PPP2R3A: variants seen among roughly 807,000 people sequenced by gnomAD.
PPP2R3A encodes the protein serine/threonine-protein phosphatase 2A regulatory subunit B'' subunit alpha.
A neutral mutation model predicts 106.9 loss-of-function variants in PPP2R3A; 80 were observed. That is an observed-to-expected ratio of 0.75 (90% CI 0.62 to 0.90). The LOEUF (loss-of-function observed/expected upper bound fraction) is 0.90, where lower values mean the gene tolerates loss of function less well. Among genes scored for constraint, PPP2R3A ranks in the 40% least tolerant of loss-of-function variants. The pLI, the probability that PPP2R3A is intolerant of heterozygous loss-of-function variation, is 0.00. For synonymous variants in PPP2R3A, 483 were observed against 468.3 expected, an observed-to-expected ratio of 1.03 and a Z score of -0.41; for missense variants, 1,386 against 1,350.4, an observed-to-expected ratio of 1.03 and a Z score of -0.41.
At chr3:136,034,701 T>G (rs750752177) in intron 3 of PPP2R3A, among the ~76,000 whole-genome samples, 6 of 152,122 alleles carry the variant, frequency 3.9e-5, no homozygotes, top group Non-Finnish European at 7.4e-5. Flanking sequence ...TATTCTGCAG[T>G]TGTTAGATGG....
chr3:136,106,326 A>T lies in PPP2R3A; in HGVS notation c.3329+4A>T. On this transcript the variant is annotated splice_donor_region_variant and intron_variant, in intron 13 of 13. Coordinates refer to ENST00000264977, the MANE Select transcript of PPP2R3A (RefSeq NM_002718.5). ...CCCAAGCACAATTCCAGGAAGGGTG[A>T]GTAAGTTTCCCTATGTCTTATAGAA... The T allele has an allele frequency of 6.2e-7, 1 of 1,612,152 alleles. No homozygotes were observed. Among genetic ancestry groups the T allele is most frequent in the Non-Finnish European group, 8.5e-7 (1 of 1,178,300 alleles).
chr3:136,135,478 A>C (rs141058522), intron 13 of PPP2R3A, among the ~76,000 whole-genome samples: 1 of 152,200 alleles, frequency 6.6e-6, no homozygotes, highest in Non-Finnish European at 1.5e-5. Context: ...AATCACAGAT[A>C]TGTCAGGGAG....
intron 2 of PPP2R3A, among the ~76,000 whole-genome samples, chr3:136,026,578 A>G (rs904122396): frequency 6.6e-6 from 1 of 152,136 alleles, no homozygotes; most frequent in African/African-American, 2.4e-5. Context: ...TGTCTGCCAA[A>G]TAGTTGATGG....
intron 10 of PPP2R3A, among the ~76,000 whole-genome samples, chr3:136,097,232 T>C (rs1576500387): frequency 6.6e-6 from 1 of 152,084 alleles, no homozygotes; most frequent in Non-Finnish European, 1.5e-5. Context: ...AAAGAAACTT[T>C]AGAGAGTATC....
chr3:135,972,871 A>C (rs907443448), intron 1 of PPP2R3A, among the ~76,000 whole-genome samples: 2 of 152,138 alleles, frequency 1.3e-5, no homozygotes, highest in Admixed American at 1.3e-4. Flanking sequence ...TGATTTGCAA[A>C]TATTTCCTGT....
At chr3:136,109,088 A>G (rs2107979596) in intron 13 of PPP2R3A, among the ~76,000 whole-genome samples, 1 of 152,332 alleles carries the variant, frequency 6.6e-6, no homozygotes, top group African/African-American at 2.4e-5. Context: ...TATGGGCATT[A>G]AAAGAGAGCA....
chr3:135,970,103 T>C (rs1037137634), intron 1 of PPP2R3A, among the ~76,000 whole-genome samples: 1 of 152,262 alleles, frequency 6.6e-6, no homozygotes, highest in Non-Finnish European at 1.5e-5. Context: ...TTTTTCTGTT[T>C]ACTTGATCTG....
chr3:136,122,360 T>C (rs2108002501), intron 13 of PPP2R3A, among the ~76,000 whole-genome samples: 1 of 152,256 alleles, frequency 6.6e-6, no homozygotes, highest in South Asian at 2.1e-4. Context: ...CAACTCTCCC[T>C]CCATATATGT....
In PPP2R3A at chr3:135,980,089, C is replaced by T. The variant is rs148679994; in HGVS notation, c.-441+14240C>T. Among the ~76,000 whole-genome samples the T allele has an allele frequency of 5.9e-5, 9 of 151,896 alleles. No individual in the cohort carries two copies. The East Asian group carries it at 9.6e-4, about 16-fold the overall frequency. On this transcript the variant is annotated intron_variant, in intron 1 of 13. Transcript: ENST00000264977. ...CACCAGTGTCTCCTGCCATGTTGCTCATCATGAATGCCCCGAAAGAGTGGC... is the reference window on the plus strand; with the variant it reads ...CACCAGTGTCTCCTGCCATGTTGCTTATCATGAATGCCCCGAAAGAGTGGC...
At chr3:135,980,698 T>C (rs904909243) in intron 1 of PPP2R3A, among the ~76,000 whole-genome samples, 2 of 151,868 alleles carry the variant, frequency 1.3e-5, no homozygotes, top group African/African-American at 2.4e-5. Context: ...AAAATCTGTT[T>C]CCCTTAAGAG....
intron 1 of PPP2R3A, among the ~76,000 whole-genome samples, chr3:135,990,322 TGTCAG>T (rs1041494946): frequency 7.2e-5 from 11 of 152,260 alleles, no homozygotes; most frequent in African/African-American, 2.6e-4. Context: ...AAAATGAACT[TGTCAG>T]GGAAGGGAAG....
At chr3:135,968,946 C>T (rs1029528506) in intron 1 of PPP2R3A, among the ~76,000 whole-genome samples, 4 of 152,144 alleles carry the variant, frequency 2.6e-5, no homozygotes, top group South Asian at 4.1e-4. Flanking sequence ...GATTATTTAA[C>T]CATTCCCCCA....
chr3:136,126,886 C>T (rs1166799673), intron 13 of PPP2R3A, among the ~76,000 whole-genome samples: 1 of 152,158 alleles, frequency 6.6e-6, no homozygotes, highest in Non-Finnish European at 1.5e-5. Context: ...CTGGAGTGGA[C>T]CTCCAGCAAA....
intron 1 of PPP2R3A, among the ~76,000 whole-genome samples, chr3:135,998,791 A>G (rs1559859233): frequency 6.6e-6 from 1 of 152,232 alleles, no homozygotes; most frequent in Admixed American, 6.5e-5. Context: ...AAAATGATCT[A>G]TGTCTATTTT....
intron 13 of PPP2R3A, among the ~76,000 whole-genome samples, chr3:136,114,282 T>G (rs1441994691): frequency 6.6e-6 from 1 of 152,112 alleles, no homozygotes; most frequent in African/African-American, 2.4e-5. Flanking sequence ...ACCAGGAGAT[T>G]CTCTCCAGTG....
chr3:136,140,201 T>C (rs1938801120), intron 13 of PPP2R3A, among the ~76,000 whole-genome samples: 1 of 151,864 alleles, frequency 6.6e-6, no homozygotes, highest in South Asian at 2.1e-4. Context: ...GAAGTGGCCA[T>C]GCAGAAGGAG....
intron 2 of PPP2R3A, among the ~76,000 whole-genome samples, chr3:136,013,606 G>T (rs1934168445): frequency 6.6e-6 from 1 of 152,032 alleles, no homozygotes; most frequent in Non-Finnish European, 1.5e-5. Context: ...GATCGTTAGT[G>T]ATGTTGAGCA....
intron 5 of PPP2R3A, among the ~76,000 whole-genome samples, chr3:136,067,989 C>T (rs186367497): frequency 1.1e-4 from 16 of 152,236 alleles, no homozygotes; most frequent in South Asian, 8.3e-4. Flanking sequence ...TTTTGGGAGG[C>T]GAAGGCAGGC....
At chr3:136,117,879 G>C (rs537751006) in intron 13 of PPP2R3A, among the ~76,000 whole-genome samples, 5 of 152,272 alleles carry the variant, frequency 3.3e-5, no homozygotes, top group South Asian at 2.1e-4. Context: ...GATTTTATGA[G>C]GCCAGCATCA....
Sources: gnomAD v4.1 joint callset for allele counts (sites outside exome capture counted in the v4.1 genomes callset) on GRCh38, gnomAD v4.1.1 for gene constraint, MANE v1.5 for transcripts, NCBI Gene and HGNC (gene_info 2026-07-23, HGNC 2026-07-21) for gene names.